Variants in RNF144B observed in about 807,000 individuals in gnomAD.
RNF144B encodes E3 ubiquitin-protein ligase RNF144B.
Under a neutral mutation model 40.2 loss-of-function variants are expected in RNF144B, and 25 were observed. The ratio of observed to expected loss-of-function variants is 0.62; its 90% CI spans 0.45 to 0.87. RNF144B has a LOEUF of 0.87. Ranked by LOEUF, RNF144B falls within the 40% of genes least tolerant of loss-of-function variation. RNF144B has a pLI of 0.00. For synonymous variants in RNF144B, 145 were observed against 136.3 expected, an observed-to-expected ratio of 1.06 and a Z score of -0.44; for missense variants, 365 against 373.7, an observed-to-expected ratio of 0.98 and a Z score of 0.19.
At chr6:18,436,428 G>A (rs184592300) in intron 3 of RNF144B, among the ~76,000 whole-genome samples, 91 of 152,202 alleles carry the variant, frequency 6.0e-4, no homozygotes, top group African/African-American at 1.8e-3. Flanking sequence ...CTATTGTATC[G>A]AAATATAAAT....
intron 1 of RNF144B, chr6:18,396,249 G>C (rs1197695701): frequency 2.3e-6 from 1 of 432,214 alleles, no homozygotes; most frequent in Admixed American, 6.4e-5. Flanking sequence ...CTATTTCTAA[G>C]AAATATCTAA....
Position 18,467,517 on chromosome 6 carries a change from C to G in RNF144B, c.*2450C>G, listed in dbSNP as rs1759598557. ...AAAAGTGCCTGAAAAATGGTAAATT[C>G]TTAAATGTGTGTGAGATTGTCAGAA... On this transcript the variant is annotated 3_prime_UTR_variant, in exon 8 of 8. Coordinates refer to ENST00000259939, the MANE Select transcript of RNF144B (RefSeq NM_182757.4). 7.0e-6 allele frequency: 1 copy of G among 142,148 alleles called. No homozygotes were observed. The highest frequency in any genetic ancestry group is 2.3e-4 in the South Asian group (1 of 4,394). 8.8% of individuals were successfully genotyped at this position (142,148 alleles called of 1,614,324 possible). A position where few individuals can be genotyped will look rare whatever the true frequency, so the allele number is the denominator to read the frequency against.
chr6:18,403,961 C>G (rs1794843668), intron 2 of RNF144B, among the ~76,000 whole-genome samples: 2 of 152,200 alleles, frequency 1.3e-5, no homozygotes, highest in African/African-American at 4.8e-5. Context: ...CTAATTCATT[C>G]TCGCCACAGC....
chr6:18,399,869 T>A (rs929381233), intron 2 of RNF144B, among the ~76,000 whole-genome samples, 170 bp downstream of exon 2: 5 of 152,218 alleles, frequency 3.3e-5, no homozygotes, highest in Non-Finnish European at 7.3e-5. Flanking sequence ...AAATGGTAAA[T>A]CCTGGGTTTA....
chr6:18,435,772 A>T (rs1758803433), intron 3 of RNF144B, among the ~76,000 whole-genome samples: 1 of 151,926 alleles, frequency 6.6e-6, no homozygotes, highest in African/African-American at 2.4e-5. Context: ...TATCGCAAGG[A>T]CAAAAAACCA....
At chr6:18,427,754 T>C in intron 3 of RNF144B, 69 bp downstream of exon 3, 1 of 1,033,496 alleles carries the variant, frequency 9.7e-7, no homozygotes, top group Non-Finnish European at 1.5e-6. Flanking sequence ...TGAGTCTTTA[T>C]GTATTTCCCT....
intron 2 of RNF144B, among the ~76,000 whole-genome samples, chr6:18,421,247 A>G (rs1341981462): frequency 6.7e-6 from 1 of 148,846 alleles, no homozygotes; most frequent in Non-Finnish European, 1.5e-5. Context: ...GTGAGAAACC[A>G]TCTCAAAAAA....
In RNF144B at chr6:18,446,192, T is replaced by C. The variant is rs1362611267; in HGVS notation, c.331+6448T>C. ...TTCTATTTCTACTAAACCTGGCCTC[T>C]AGGCCATGTGTATAATCTGTTACAT... On this transcript the variant is annotated intron_variant, in intron 4 of 7. Coordinates refer to ENST00000259939, the MANE Select transcript of RNF144B (RefSeq NM_182757.4). The surrounding 1 kb of genome is among the most constrained non-coding windows in gnomAD (Gnocchi z 4.7). 6.6e-6 allele frequency among the ~76,000 whole-genome samples: 1 copy of C among 152,252 alleles called. No individual in the cohort carries two copies. Among genetic ancestry groups the C allele is most frequent in the Admixed American group, 6.5e-5 (1 of 15,284 alleles).
rs927117480 is a variant in RNF144B at position 18,460,292 on chromosome 6, CTTCT to C, written c.681+547_681+550del. ...CCAGCAACATCAGATCTCTCACTCCCTTCTTTCTTAGTCGTTGCTCCCTCTGACC... is the reference window on the plus strand; with the variant it reads ...CCAGCAACATCAGATCTCTCACTCCCTTCTTAGTCGTTGCTCCCTCTGACC... On this transcript the variant is annotated intron_variant, in intron 6 of 7. Coordinates refer to ENST00000259939, the MANE Select transcript of RNF144B (RefSeq NM_182757.4). This position sits in a 1 kb window ranked among gnomAD's most constrained non-coding sequence, Gnocchi z 4.4. Among the ~76,000 whole-genome samples the C allele has an allele frequency of 2.0e-5, 3 of 152,162 alleles. No individual in the cohort carries two copies. Among genetic ancestry groups the C allele is most frequent in the African/African-American group, 7.2e-5 (3 of 41,446 alleles).
chr6:18,467,289 A>C lies in RNF144B; in HGVS notation c.*2222A>C, dbSNP rs1759589800. The C allele has an allele frequency of 6.6e-6, 1 of 152,404 alleles. No homozygotes were observed. The highest frequency in any genetic ancestry group is 1.5e-5 in the Non-Finnish European group (1 of 68,004). The allele number at this position is 152,404 out of a possible 1,614,324, so 9.4% of individuals were successfully genotyped here. A position where few individuals can be genotyped will look rare whatever the true frequency, so the allele number is the denominator to read the frequency against. On this transcript the variant is annotated 3_prime_UTR_variant, in exon 8 of 8. Coordinates refer to ENST00000259939, the MANE Select transcript of RNF144B (RefSeq NM_182757.4). Reference sequence around the variant, plus strand: ...TAAAAGACTGTGTTATCAGAGGAAGAGGTCCCAAATTTGGAGTAAAGATGG... The same window carrying C: ...TAAAAGACTGTGTTATCAGAGGAAGCGGTCCCAAATTTGGAGTAAAGATGG...
chr6:18,399,148 C>G (rs1703230794), intron 1 of RNF144B, among the ~76,000 whole-genome samples: 1 of 152,176 alleles, frequency 6.6e-6, no homozygotes, highest in Non-Finnish European at 1.5e-5. Context: ...ATTACTAACT[C>G]TAGTCACCAA....
chr6:18,464,986 C>T lies in RNF144B; in HGVS notation c.831C>T (p.Leu277=). ...CCTTGGTTACTTCACCCTTGTTACTCCTGGCCTCCCCATGTATAATCTGTT... is the reference window on the plus strand; with the variant it reads ...CCTTGGTTACTTCACCCTTGTTACTTCTGGCCTCCCCATGTATAATCTGTT... ...IIALVTSPLL[L]LASPCIICCV... is the part of the protein sequence containing the mutation. The change falls in exon 8 of 8, where the codon CTC becomes CTT. Residue 277 remains leucine (L), a synonymous_variant. Coordinates refer to ENST00000259939, the MANE Select transcript of RNF144B (RefSeq NM_182757.4). The surrounding 1 kb of genome is among the most constrained non-coding windows in gnomAD (Gnocchi z 6.1). The T allele has an allele frequency of 6.2e-7, 1 of 1,613,912 alleles. No homozygotes were observed. Among genetic ancestry groups the T allele is most frequent in the South Asian group, 1.1e-5 (1 of 91,052 alleles).
At chr6:18,401,495 TCCTGTTA>T (rs1471418146) in intron 2 of RNF144B, among the ~76,000 whole-genome samples, 2 of 152,214 alleles carry the variant, frequency 1.3e-5, no homozygotes, top group African/African-American at 2.4e-5. Context: ...TTCCCTGGCA[TCCTGTTA>T]CCTGTTACCT....
At position 18,428,107 on chromosome 6, in the gene RNF144B, C is replaced by A. The variant is rs959266584; in HGVS notation, c.270+422C>A. Among the ~76,000 whole-genome samples the A allele has an allele frequency of 2.0e-5, 3 of 152,124 alleles. No individual in the cohort carries two copies. In the East Asian group the frequency reaches 5.8e-4, roughly 29 times the overall value. ...GCTGTTCTCGTGATAGTGCGTTCTC[C>A]TGAGAACTGATGGTTTTATAAGGGG... On this transcript the variant is annotated intron_variant, in intron 3 of 7. Coordinates refer to ENST00000259939, the MANE Select transcript of RNF144B (RefSeq NM_182757.4).
chr6:18,462,260 C>T (rs772439661), intron 6 of RNF144B, among the ~76,000 whole-genome samples: 5 of 152,156 alleles, frequency 3.3e-5, no homozygotes, highest in African/African-American at 4.8e-5. Context: ...AGTCACACCC[C>T]GACTGTACCT....
rs1430420564 is a variant in RNF144B, at chr6:18,435,840, G to A, written c.271-3844G>A. 2.0e-5 allele frequency among the ~76,000 whole-genome samples: 3 copies of A among 148,994 alleles called. No homozygotes were observed. The East Asian group carries it at 6.0e-4, about 30-fold the overall frequency. On this transcript the variant is annotated intron_variant, in intron 3 of 7. Coordinates refer to ENST00000259939, the MANE Select transcript of RNF144B (RefSeq NM_182757.4). ...TGAACAATGAGAACACATGGACCCA[G>A]GAAAGGGAACATCACACACCAGGGA...
rs887842057 is a variant in RNF144B at position 18,427,789 on chromosome 6, C to T, written c.270+104C>T. 57 of 738,006 alleles carry T rather than the reference C, an allele frequency of 7.7e-5. No homozygotes were observed. In the South Asian group the frequency reaches 9.7e-4, roughly 13 times the overall value. The allele number at this position is 738,006 out of a possible 1,614,324, so 45.7% of individuals were successfully genotyped here. On this transcript the variant is annotated intron_variant, in intron 3 of 7. Coordinates refer to ENST00000259939, the MANE Select transcript of RNF144B (RefSeq NM_182757.4). ...TACCAGGGAGTCTAGCAAGAAAATA[C>T]AGAGGTTAACTTTTTAAAGGAGCAC...
At chr6:18,399,363 C>T (rs748516855) in intron 1 of RNF144B, 136 bp from the exon 2 acceptor site, 23 of 627,218 alleles carry the variant, frequency 3.7e-5, no homozygotes, top group Non-Finnish European at 5.4e-5. Context: ...TCTAGCCCGT[C>T]GTTCCCAGAA....
rs57590802 is a variant in RNF144B at position 18,396,230 on chromosome 6, A to T, written c.-36-3269A>T. On this transcript the variant is annotated intron_variant, in intron 1 of 7. Coordinates refer to ENST00000259939, the MANE Select transcript of RNF144B (RefSeq NM_182757.4). The stretch of plus-strand genomic sequence containing the variant: ...TACCACAATTTTTAGTTCTACCTTC[A>T]AAAGAAGACTATTTCTAAGAAATAT... The T allele has an allele frequency of 5.0e-3, 1,761 of 350,302 alleles. 36 individuals carry two copies. The highest frequency in any genetic ancestry group is 0.037 in the African/African-American group (1,661 of 45,170). 21.7% of individuals were successfully genotyped at this position (350,302 alleles called of 1,614,324 possible). A position where few individuals can be genotyped will look rare whatever the true frequency, so the allele number is the denominator to read the frequency against.
Sources: gnomAD v4.1 joint callset for allele counts (sites outside exome capture counted in the v4.1 genomes callset) on GRCh38, gnomAD v4.1.1 for gene constraint, Gnocchi (gnomAD v3.1) non-coding constraint, MANE v1.5 for transcripts, NCBI Gene and HGNC (gene_info 2026-07-23, HGNC 2026-07-21) for gene names.